KCNMA1: variants seen among roughly 807,000 people sequenced by gnomAD.
KCNMA1 encodes potassium calcium-activated channel subfamily M alpha 1.
Under a neutral mutation model 140.0 loss-of-function variants are expected in KCNMA1, and 29 were observed. The observed-to-expected ratio is 0.21, with a 90% CI of 0.15 to 0.28. The LOEUF (loss-of-function observed/expected upper bound fraction) is 0.28, where lower values mean the gene tolerates loss of function less well. Among genes scored for constraint, KCNMA1 ranks in the 10% least tolerant of loss-of-function variants. The pLI, the probability that KCNMA1 is intolerant of heterozygous loss-of-function variation, is 1.00. For synonymous variants in KCNMA1, 612 were observed against 611.9 expected, an observed-to-expected ratio of 1.00 and a Z score of 0.00; for missense variants, 880 against 1,602.2, an observed-to-expected ratio of 0.55 and a Z score of 7.70.
chr10:77,130,878 A>G (rs1324704898), intron 5 of KCNMA1, among the ~76,000 whole-genome samples: 1 of 152,198 alleles, frequency 6.6e-6, no homozygotes, highest in East Asian at 1.9e-4. Flanking sequence ...AAAGACATAT[A>G]CACACACATA....
At chr10:76,974,375 A>G in intron 19 of KCNMA1, 2 of 560,988 alleles carry the variant, frequency 3.6e-6, no homozygotes. Flanking sequence ...TGCAAGCTGA[A>G]ATCCACAGTA....
chr10:77,575,723 A>T (rs984578722), intron 1 of KCNMA1, among the ~76,000 whole-genome samples: 1 of 152,218 alleles, frequency 6.6e-6, no homozygotes, highest in Non-Finnish European at 1.5e-5. Flanking sequence ...TGCCATACCC[A>T]GAGGCTATTC....
At chr10:77,149,988 CA>C (rs933060566) in intron 5 of KCNMA1, 12 of 152,148 alleles carry the variant, frequency 7.9e-5, no homozygotes, top group African/African-American at 2.9e-4. Context: ...AGCTCATACA[CA>C]ACAGGAACAA....
At chr10:77,609,185 G>A (rs780680606) in intron 1 of KCNMA1, among the ~76,000 whole-genome samples, 54 of 152,236 alleles carry the variant, frequency 3.5e-4, no homozygotes, top group Non-Finnish European at 5.6e-4. Context: ...CCAAGAAATC[G>A]AACCTATCTA....
At chr10:77,311,015 C>T (rs997050903) in intron 2 of KCNMA1, among the ~76,000 whole-genome samples, 6 of 152,208 alleles carry the variant, frequency 3.9e-5, no homozygotes, top group Non-Finnish European at 7.3e-5. Flanking sequence ...CTGACAAACA[C>T]CATTTTTGGC....
intron 10 of KCNMA1, 66 bp from the exon 11 acceptor site, chr10:77,086,659 C>T (rs1241401607): frequency 2.7e-6 from 3 of 1,107,096 alleles, no homozygotes; most frequent in East Asian, 4.8e-5. Flanking sequence ...TCCATGGGCT[C>T]CTTCCTCTCT....
intron 5 of KCNMA1, among the ~76,000 whole-genome samples, chr10:77,130,977 C>A (rs1486211189): frequency 1.3e-5 from 2 of 151,982 alleles, no homozygotes; most frequent in Non-Finnish European, 2.9e-5. Flanking sequence ...GGTTGGGATG[C>A]AGAGATCACA....
chr10:77,029,801 T>C (rs796432715), intron 15 of KCNMA1, among the ~76,000 whole-genome samples: 7 of 152,106 alleles, frequency 4.6e-5, no homozygotes, highest in African/African-American at 1.7e-4. Flanking sequence ...GCTCTGAGTG[T>C]TTGAGGATCA....
At chr10:77,460,855 C>T (rs1328676506) in intron 1 of KCNMA1, among the ~76,000 whole-genome samples, 1 of 152,142 alleles carries the variant, frequency 6.6e-6, no homozygotes, top group African/African-American at 2.4e-5. Flanking sequence ...CCTGTAATCC[C>T]AGCACTCTGG....
chr10:77,292,059 A>G (rs1418966643), intron 2 of KCNMA1, among the ~76,000 whole-genome samples: 2 of 152,240 alleles, frequency 1.3e-5, no homozygotes, highest in Middle Eastern at 3.2e-3. Flanking sequence ...TTCCTCAAGT[A>G]ACATAACCCT....
intron 2 of KCNMA1, among the ~76,000 whole-genome samples, chr10:77,268,902 C>T (rs2064185871): frequency 6.6e-6 from 1 of 152,168 alleles, no homozygotes; most frequent in Non-Finnish European, 1.5e-5. Flanking sequence ...TGAACAAAAG[C>T]AGTCTCCAGG....
intron 1 of KCNMA1, among the ~76,000 whole-genome samples, chr10:77,411,621 A>G (rs1452039788): frequency 6.6e-6 from 1 of 152,172 alleles, no homozygotes; most frequent in East Asian, 1.9e-4. Flanking sequence ...ATGCATGTGC[A>G]AGGATTATTG....
At chr10:77,464,404 G>A (rs1433530313) in intron 1 of KCNMA1, among the ~76,000 whole-genome samples, 1 of 151,972 alleles carries the variant, frequency 6.6e-6, no homozygotes, top group Non-Finnish European at 1.5e-5. Flanking sequence ...AGGACACACT[G>A]CAGTCAGGAA....
chr10:77,382,445 C>G (rs1054259396), intron 2 of KCNMA1, among the ~76,000 whole-genome samples: 1 of 152,092 alleles, frequency 6.6e-6, no homozygotes, highest in East Asian at 1.9e-4. Flanking sequence ...GAGAAGAGCC[C>G]CTATCAGCAT....
chr10:77,475,803 C>G (rs1387582583), intron 1 of KCNMA1, among the ~76,000 whole-genome samples: 2 of 152,084 alleles, frequency 1.3e-5, no homozygotes, highest in Non-Finnish European at 2.9e-5. Flanking sequence ...TGGAAGGGCC[C>G]TTGGCAATCA....
chr10:77,098,594 A>AT (rs1228389225), intron 9 of KCNMA1, among the ~76,000 whole-genome samples: 1 of 151,814 alleles, frequency 6.6e-6, no homozygotes, highest in African/African-American at 2.4e-5. Flanking sequence ...AAAACAAAAA[A>AT]CTTTTCTTCT....
intron 1 of KCNMA1, among the ~76,000 whole-genome samples, chr10:77,431,715 AG>A (rs2097157768): frequency 3.7e-5 from 5 of 133,990 alleles, no homozygotes; most frequent in Non-Finnish European, 6.4e-5. Context: ...AAAAAAAAAA[AG>A]GCCGGGAGCG....
At chr10:76,884,778 G>T, downstream of KCNMA1, 1 of 612,736 alleles carries the variant, frequency 1.6e-6, no homozygotes, top group Non-Finnish European at 2.5e-6. Flanking sequence ...AGAAGGAAGG[G>T]AAAAGGAGAG....
At chr10:77,125,282 A>G (rs558661283) in intron 5 of KCNMA1, among the ~76,000 whole-genome samples, 17 of 152,330 alleles carry the variant, frequency 1.1e-4, no homozygotes, top group African/African-American at 4.1e-4. Context: ...AAAGTCTTTC[A>G]AAGGCCTAAA....
Sources: allele counts gnomAD v4.1 joint callset (sites outside exome capture counted in the v4.1 genomes callset), GRCh38; gene constraint gnomAD v4.1.1; transcripts MANE v1.5; gene names NCBI Gene and HGNC (gene_info 2026-07-23, HGNC 2026-07-21).